The following COL24A1 variants were observed in gnomAD, a reference collection of about 807,000 sequenced individuals.
COL24A1 encodes the protein collagen alpha-1(XXIV) chain.
COL24A1 carries 224 observed loss-of-function variants against 253.9 expected under a neutral mutation model. The ratio of observed to expected loss-of-function variants is 0.88; its 90% CI spans 0.79 to 0.99. COL24A1 has a LOEUF of 0.99. Among genes scored for constraint, COL24A1 ranks in the 50% least tolerant of loss-of-function variants. The pLI, the probability that COL24A1 is intolerant of heterozygous loss-of-function variation, is 0.00. For missense variants in COL24A1, 2,131 were observed against 2,068.5 expected (o/e 1.03, Z -0.59); for synonymous variants, 685 against 673.7 (o/e 1.02, Z -0.26).
intron 24 of COL24A1, among the ~76,000 whole-genome samples, chr1:85,941,848 G>T (rs1039530993): frequency 6.6e-6 from 1 of 152,036 alleles, no homozygotes; most frequent in African/African-American, 2.4e-5. Context: ...TTGAGTGTAG[G>T]GGCTGTGCTC....
chr1:85,858,621 C>CTCCCTCCTTCCTTCCT (rs1347863094), intron 37 of COL24A1, among the ~76,000 whole-genome samples: 2,295 of 113,352 alleles, frequency 0.02, 75 homozygotes, highest in Non-Finnish European at 0.03. Flanking sequence ...TATTTTCTCC[C>CTCCCTCCTTCCTTCCT]TCCTTCCTTC....
At chr1:86,126,723 G>A (rs1453229924) in intron 2 of COL24A1, among the ~76,000 whole-genome samples, 2 of 151,980 alleles carry the variant, frequency 1.3e-5, no homozygotes, top group African/African-American at 4.8e-5. Flanking sequence ...TCCTCCCACA[G>A]CACTGGGATT....
chr1:86,072,716 G>C (rs1701960026), intron 7 of COL24A1, among the ~76,000 whole-genome samples: 1 of 152,186 alleles, frequency 6.6e-6, no homozygotes, highest in Non-Finnish European at 1.5e-5. Flanking sequence ...GGGGTCGACA[G>C]ACACCTCATA....
intron 23 of COL24A1, among the ~76,000 whole-genome samples, chr1:85,962,002 G>A (rs945044412): frequency 3.3e-5 from 5 of 152,008 alleles, no homozygotes; most frequent in African/African-American, 7.3e-5. Flanking sequence ...TCTCCTATTC[G>A]TGACTTTTAA....
Position 85,745,479 on chromosome 1 carries a change from G to T in COL24A1, c.4465C>A (p.Gln1489Lys). Residue 1489 changes from glutamine to lysine, a missense_variant, in exon 56 of 60, where the codon CAA becomes AAA. Gln to Lys is a moderately conservative substitution (Grantham distance 53). Transcript: ENST00000370571. Reference sequence around the variant, plus strand: ...GCAGTATTTGATTCAATCAAGGCTTGAATAGCAGCATTGATATCCATTTGC... The same window carrying T: ...GCAGTATTTGATTCAATCAAGGCTTTAATAGCAGCATTGATATCCATTTGC... ...RKQMDINAAI[Q>K]ALIESNTALQ... is the part of the protein sequence containing the mutation. 1 of 1,610,048 alleles carries T rather than the reference G, an allele frequency of 6.2e-7. No individual in the cohort carries two copies. Among genetic ancestry groups the T allele is most frequent in the Non-Finnish European group, 8.5e-7 (1 of 1,178,408 alleles).
chr1:86,142,533 A>C (rs1029191459), intron 2 of COL24A1, among the ~76,000 whole-genome samples: 3 of 149,130 alleles, frequency 2.0e-5, no homozygotes, highest in Non-Finnish European at 3.0e-5. Flanking sequence ...AAAAAAAAAA[A>C]CAAAAAACAA....
chr1:86,082,962 A>T (rs1016334786), intron 7 of COL24A1, among the ~76,000 whole-genome samples: 12 of 152,052 alleles, frequency 7.9e-5, no homozygotes, highest in African/African-American at 2.9e-4. Flanking sequence ...AGCACTTCGG[A>T]TTTCAAATTT....
intron 31 of COL24A1, among the ~76,000 whole-genome samples, chr1:85,892,262 T>C (rs1411609833): frequency 2.6e-5 from 4 of 152,164 alleles, no homozygotes; most frequent in East Asian, 1.9e-4. Flanking sequence ...TGTGGACTAC[T>C]TATCAGAAAT....
chr1:86,075,844 C>T (rs1702208131), intron 7 of COL24A1, among the ~76,000 whole-genome samples: 1 of 152,060 alleles, frequency 6.6e-6, no homozygotes, highest in African/African-American at 2.4e-5. Context: ...AATTCAACAG[C>T]CCTTCATGCT....
At chr1:85,892,993 C>A (rs1683284429) in intron 31 of COL24A1, among the ~76,000 whole-genome samples, 1 of 152,042 alleles carries the variant, frequency 6.6e-6, no homozygotes, top group African/African-American at 2.4e-5. Context: ...AGACCCAAAT[C>A]TAACCACATC....
At chr1:86,048,197 T>C (rs1442272092) in intron 11 of COL24A1, among the ~76,000 whole-genome samples, 4 of 150,172 alleles carry the variant, frequency 2.7e-5, no homozygotes, top group African/African-American at 9.7e-5. Flanking sequence ...TGTATATATG[T>C]GTACATGTTT....
At chr1:85,853,239 A>G (rs1171242736) in intron 37 of COL24A1, among the ~76,000 whole-genome samples, 1 of 152,164 alleles carries the variant, frequency 6.6e-6, no homozygotes. Flanking sequence ...CTGTTCCCAC[A>G]TTAATTTGCT....
chr1:85,862,396 C>T (rs1679257821), intron 37 of COL24A1, among the ~76,000 whole-genome samples: 1 of 147,904 alleles, frequency 6.8e-6, no homozygotes, highest in Non-Finnish European at 1.5e-5. Flanking sequence ...TTTTTAAAGC[C>T]TTAGAACCTT....
At chr1:85,949,722 A>G (rs1371739003) in intron 24 of COL24A1, among the ~76,000 whole-genome samples, 1 of 152,106 alleles carries the variant, frequency 6.6e-6, no homozygotes, top group Non-Finnish European at 1.5e-5. Flanking sequence ...TTCATCTTTT[A>G]TCTTGCAGCT....
chr1:86,044,081 CCTA>C (rs768085130), intron 12 of COL24A1, among the ~76,000 whole-genome samples: 71 of 152,196 alleles, frequency 4.7e-4, no homozygotes, highest in Non-Finnish European at 8.5e-4. Flanking sequence ...CTTCTACACA[CCTA>C]CTTTTTTCGA....
At chr1:85,978,248 C>A (rs1030595817) in intron 20 of COL24A1, among the ~76,000 whole-genome samples, 2 of 152,042 alleles carry the variant, frequency 1.3e-5, no homozygotes, top group African/African-American at 4.8e-5. Flanking sequence ...TGAAACAAGC[C>A]TTAAAATACA....
chr1:86,120,992 G>A (rs1647249069), intron 3 of COL24A1, among the ~76,000 whole-genome samples: 1 of 152,150 alleles, frequency 6.6e-6, no homozygotes, highest in South Asian at 2.1e-4. Context: ...GTCCTTTGTA[G>A]GGACATGGAT....
chr1:86,112,001 C>T (rs535906059), intron 5 of COL24A1, among the ~76,000 whole-genome samples: 26 of 152,218 alleles, frequency 1.7e-4, no homozygotes, highest in African/African-American at 6.0e-4. Context: ...CGCGAGGGTC[C>T]GTGGCTTCAT....
chr1:86,019,000 A>G (rs1482670193), intron 18 of COL24A1, among the ~76,000 whole-genome samples: 2 of 152,212 alleles, frequency 1.3e-5, no homozygotes, highest in African/African-American at 4.8e-5. Flanking sequence ...CTTGGAAACA[A>G]TATTAGTTAG....
Sources: allele counts gnomAD v4.1 joint callset (sites outside exome capture counted in the v4.1 genomes callset), GRCh38; gene constraint gnomAD v4.1.1; transcripts MANE v1.5; gene names NCBI Gene and HGNC (gene_info 2026-07-23, HGNC 2026-07-21).